The following PKMYT1 variants were observed in gnomAD, a reference collection of about 807,000 sequenced individuals.
PKMYT1 encodes the protein membrane-associated tyrosine- and threonine-specific cdc2-inhibitory kinase.
In PKMYT1, 35 loss-of-function variants were observed where a neutral mutation model predicts 49.7. The ratio of observed to expected loss-of-function variants is 0.70; its 90% CI spans 0.54 to 0.93. PKMYT1 has a LOEUF of 0.93. PKMYT1 is among the 40% of genes least tolerant of loss of function. PKMYT1 has a pLI of 0.00. For missense variants in PKMYT1, 677 were observed against 673.1 expected, an observed-to-expected ratio of 1.01 and a Z score of -0.06; for synonymous variants, 331 against 287.6, an observed-to-expected ratio of 1.15 and a Z score of -1.53.
intron 3 of PKMYT1, chr16:2,976,103 C>T (rs1162785497): frequency 7.3e-6 from 3 of 411,000 alleles, no homozygotes; most frequent in East Asian, 3.8e-5. Flanking sequence ...CAGAGCAACA[C>T]AGGCAGCCCA....
At chr16:2,976,414 CAG>C (rs1355456481) in intron 3 of PKMYT1, among the ~76,000 whole-genome samples, 2 of 152,170 alleles carry the variant, frequency 1.3e-5, no homozygotes, top group African/African-American at 2.4e-5. Context: ...GGAGATGGCA[CAG>C]GGGCTGCTGC....
chr16:2,973,913 G>T, intron 7 of PKMYT1, 87 bp downstream of exon 7: 1 of 1,402,276 alleles, frequency 7.1e-7, no homozygotes. Context: ...TTGTGGGAGT[G>T]GTCCCCATTC....
At chr16:2,977,076 C>G (rs760998732) in intron 2 of PKMYT1, 45 bp from the exon 3 acceptor site, 34 of 1,586,288 alleles carry the variant, frequency 2.1e-5, no homozygotes, top group Non-Finnish European at 2.8e-5. Context: ...CATGTCCACT[C>G]TGATACCACC....
Position 2,975,761 on chromosome 16 carries a change from G to C in PKMYT1, c.430C>G (p.Pro144Ala). Reference protein sequence around the residue: ...RLYAVKRSMSPFRGPKDRARK... With the variant: ...RLYAVKRSMSAFRGPKDRARK... ...GCCCGGTCCTTGGGGCCCCGGAATG[G>C]TGACATGGAACGCTTTACCGCATAG... Residue 144 changes from proline (P) to alanine (A), a missense_variant, in exon 4 of 9, where the codon CCA becomes GCA. Coordinates refer to ENST00000262300, the MANE Select transcript of PKMYT1 (RefSeq NM_004203.5). The C allele has an allele frequency of 2.5e-6, 4 of 1,600,490 alleles. No individual in the cohort carries two copies. The highest frequency in any genetic ancestry group is 3.4e-6 in the Non-Finnish European group (4 of 1,179,854).
At position 2,974,019 on chromosome 16, in the gene PKMYT1, A is replaced by G; in HGVS notation, c.1291T>C (p.Trp431Arg). ...ACCCACCCTAGGCTGTCGTCATCCC[A>G]GTTGCTGGAGAGGCTGCTGTCCAGG... ...LLLDSSLSSN[W>R]DDDSLGPSLS... Residue 431 changes from tryptophan (W) to arginine (R), a missense_variant, in exon 7 of 9, where the codon TGG (tryptophan) becomes CGG (arginine). Physicochemically the swap from Trp to Arg is moderately radical, Grantham distance 101 (BLOSUM62 -3). Transcript: ENST00000262300. 2 of 1,612,462 alleles carry G rather than the reference A, an allele frequency of 1.2e-6. No homozygotes were observed. Among genetic ancestry groups the G allele is most frequent in the Non-Finnish European group, 1.7e-6 (2 of 1,179,778 alleles).
chr16:2,979,295 T>C (rs1450494656), intron 2 of PKMYT1, among the ~76,000 whole-genome samples: 1 of 151,866 alleles, frequency 6.6e-6, no homozygotes. Flanking sequence ...GATTGCGGCA[T>C]TGCACTCCAA....
In PKMYT1 at chr16:2,979,619, T is replaced by C. The variant is rs1306709666; in HGVS notation, c.10+29A>G. ...CTGGGCCTGTGCATCTTAACCCAGT[T>C]CTCCCACCGTCCCTGCCCTACGACT... On this transcript the variant is annotated intron_variant, in intron 2 of 8. Transcript: ENST00000262300. The C allele has an allele frequency of 3.1e-6, 5 of 1,588,808 alleles. No homozygotes were observed. In the Admixed American group the frequency reaches 8.3e-5, roughly 26 times the overall value.
Position 2,976,906 on chromosome 16 carries a change from C to G in PKMYT1, c.136G>C (p.Gly46Arg). 1 of 1,542,330 alleles carries G rather than the reference C, an allele frequency of 6.5e-7. No individual in the cohort carries two copies. Among genetic ancestry groups the G allele is most frequent in the East Asian group, 2.4e-5 (1 of 41,052 alleles). Residue 46 changes from glycine to arginine, a missense_variant, in exon 3 of 9, where the codon GGG (glycine) becomes CGG (arginine). Gly to Arg is a moderately radical substitution (Grantham distance 125). Coordinates refer to ENST00000262300, the MANE Select transcript of PKMYT1 (RefSeq NM_004203.5). ...GGAGGTGGGAGGCTCCGGCTGAGCC[C>G]CCTGGGCCTCTTGAGGGAGAATCCA... ...EPGFSLKRPRGLSRSLPPPPP... is the reference protein window; with the variant it reads ...EPGFSLKRPRRLSRSLPPPPP...
rs1264497149 is a variant in PKMYT1, at chr16:2,977,035, G to T, written c.11-4C>A. 2.5e-6 allele frequency: 4 copies of T among 1,589,080 alleles called. No individual in the cohort carries two copies. The African/African-American group carries it at 5.4e-5, about 21-fold the overall frequency. ...GGCATGGCCAGTGCAGGAGGCCCTG[G>T]GGGCAGAGACAGAGGCTGAGTACAG... On this transcript the variant is annotated splice_region_variant and splice_polypyrimidine_tract_variant and intron_variant, in intron 2 of 8. Transcript: ENST00000262300.
At chr16:2,975,925 G>A (rs1567387548) in intron 3 of PKMYT1, 113 bp from the exon 4 acceptor site, 3 of 1,134,446 alleles carry the variant, frequency 2.6e-6, no homozygotes, top group Non-Finnish European at 3.7e-6. Context: ...GGGCACGGTG[G>A]TGTAGCTGGC....
At chr16:2,973,627 ACCAGGCC>A in intron 7 of PKMYT1, 4 of 452,870 alleles carry the variant, frequency 8.8e-6, no homozygotes, top group Non-Finnish European at 1.6e-5. Context: ...CACTCAAGAC[ACCAGGCC>A]CCAGGGACCA....
At chr16:2,974,444 G>T in intron 5 of PKMYT1, 27 bp from the exon 6 acceptor site, 1 of 1,593,170 alleles carries the variant, frequency 6.3e-7, no homozygotes, top group Non-Finnish European at 8.6e-7. Context: ...GCCACATCGG[G>T]GTCCCAGAAC....
chr16:2,979,635 C>G lies in PKMYT1; in HGVS notation c.10+13G>C. The G allele has an allele frequency of 5.0e-6, 8 of 1,609,984 alleles. No homozygotes were observed. Among genetic ancestry groups the G allele is most frequent in the Non-Finnish European group, 5.1e-6 (6 of 1,176,240 alleles). ...TAACCCAGTTCTCCCACCGTCCCTGCCCTACGACTTACGTTCTAGCATGAC... is the reference window on the plus strand; with the variant it reads ...TAACCCAGTTCTCCCACCGTCCCTGGCCTACGACTTACGTTCTAGCATGAC... On this transcript the variant is annotated intron_variant, in intron 2 of 8. Coordinates refer to ENST00000262300, the MANE Select transcript of PKMYT1 (RefSeq NM_004203.5).
chr16:2,978,339 T>C (rs995127789), intron 2 of PKMYT1, among the ~76,000 whole-genome samples: 2 of 152,152 alleles, frequency 1.3e-5, no homozygotes, highest in African/African-American at 2.4e-5. Context: ...AGCTGAACCA[T>C]AGGCCAGCTA....
intron 3 of PKMYT1, among the ~76,000 whole-genome samples, chr16:2,976,391 C>T (rs371581758): frequency 5.3e-5 from 8 of 151,802 alleles, no homozygotes; most frequent in African/African-American, 1.2e-4. Context: ...GCACAGCTGG[C>T]GCCAGGGCCG....
intron 3 of PKMYT1, 106 bp downstream of exon 3, chr16:2,976,557 AG>A: frequency 9.0e-7 from 1 of 1,112,848 alleles, no homozygotes; most frequent in Non-Finnish European, 1.2e-6. Context: ...GACAGGCTGT[AG>A]GGAACGGAAG....
At chr16:2,976,213 C>T (rs1018503789) in intron 3 of PKMYT1, 20 of 221,236 alleles carry the variant, frequency 9.0e-5, no homozygotes, top group African/African-American at 4.3e-4. Context: ...AGGACTCATA[C>T]AAGGGAAAAC....
At position 2,972,965 on chromosome 16, in the gene PKMYT1, T is replaced by A. The variant is rs1272422886; in HGVS notation, c.1488A>T (p.Leu496=). ...RNLLSLFEDT[L]DPT ...CAGAGTCTGGGGCTCAGGTTGGGTC[T>A]AGGGTGTCCTCAAACAGGCTGAGGA... is the stretch of plus-strand genomic sequence containing the variant. The change falls in exon 9 of 9, where the codon CTA becomes CTT. Residue 496 remains leucine (L), a synonymous_variant. Transcript: ENST00000262300. 1.2e-6 allele frequency: 2 copies of A among 1,607,958 alleles called. No individual in the cohort carries two copies. Among genetic ancestry groups the A allele is most frequent in the Non-Finnish European group, 1.7e-6 (2 of 1,178,310 alleles).
chr16:2,977,147 T>C, intron 2 of PKMYT1, 116 bp from the exon 3 acceptor site: 2 of 1,510,694 alleles, frequency 1.3e-6, no homozygotes, highest in Non-Finnish European at 8.8e-7. Context: ...ACACTTATTC[T>C]ACTTTAAACG....
Sources: gnomAD v4.1 joint callset for allele counts (sites outside exome capture counted in the v4.1 genomes callset) on GRCh38, gnomAD v4.1.1 for gene constraint, MANE v1.5 for transcripts, NCBI Gene and HGNC (gene_info 2026-07-23, HGNC 2026-07-21) for gene names.